The following RNLS variants were observed in gnomAD, a reference collection of about 807,000 sequenced individuals.
RNLS encodes the protein renalase, FAD dependent amine oxidase, also known as renalase.
A neutral mutation model predicts 39.8 loss-of-function variants in RNLS; 39 were observed. The ratio of observed to expected loss-of-function variants is 0.98; its 90% CI spans 0.76 to 1.28. The LOEUF (loss-of-function observed/expected upper bound fraction) is 1.28, where lower values mean the gene tolerates loss of function less well. Among genes scored for constraint, RNLS ranks in the 50% most tolerant of loss-of-function variants. The pLI is 0.00. For missense variants in RNLS, 410 were observed against 413.3 expected, an observed-to-expected ratio of 0.99 and a Z score of 0.07; for synonymous variants, 147 against 150.7, an observed-to-expected ratio of 0.98 and a Z score of 0.18.
At chr10:88,275,025 C>G in exon 7 of RNLS, 1 of 1,613,056 alleles carries the variant, frequency 6.2e-7, no homozygotes, top group South Asian at 1.1e-5. Context: ...CACACCAGCA[C>G]TTGGTACCTG....
chr10:88,178,165 C>T, the RNLS span, among the ~76,000 whole-genome samples: 1 of 152,164 alleles, frequency 6.6e-6, no homozygotes, highest in East Asian at 1.9e-4. Flanking sequence ...GCTGGGTTCT[C>T]AGCTGTACCT....
chr10:88,506,651 G>A (rs1845811680), intron 4 of RNLS, among the ~76,000 whole-genome samples: 1 of 151,832 alleles, frequency 6.6e-6, no homozygotes, highest in South Asian at 2.1e-4. Context: ...GATACATTAA[G>A]GCAAAAGATG....
the RNLS span, among the ~76,000 whole-genome samples, chr10:88,212,244 A>G: frequency 6.6e-6 from 1 of 152,154 alleles, no homozygotes; most frequent in Non-Finnish European, 1.5e-5. Flanking sequence ...TTCTCTTCTC[A>G]AGTGGGTAGC....
At chr10:88,207,413 A>T in the RNLS span, among the ~76,000 whole-genome samples, 1 of 152,194 alleles carries the variant, frequency 6.6e-6, no homozygotes, top group Non-Finnish European at 1.5e-5. Flanking sequence ...TAGCAAATAA[A>T]CACATAAAAA....
chr10:88,220,128 G>A, the RNLS span, among the ~76,000 whole-genome samples: 3 of 152,208 alleles, frequency 2.0e-5, no homozygotes, highest in Non-Finnish European at 4.4e-5. Flanking sequence ...AGCAGTTCCC[G>A]ATTCACAGTT....
chr10:88,198,523 T>G, the RNLS span, among the ~76,000 whole-genome samples: 1 of 152,226 alleles, frequency 6.6e-6, no homozygotes, highest in Admixed American at 6.5e-5. Context: ...TTTGTGTCTC[T>G]GCCCAAATCT....
downstream of RNLS, among the ~76,000 whole-genome samples, chr10:88,280,516 T>A (rs947354232): frequency 5.9e-5 from 9 of 152,188 alleles, no homozygotes; most frequent in Non-Finnish European, 1.3e-4. Flanking sequence ...TACAGACAGA[T>A]GTGTGGGGGG....
At chr10:88,211,463 C>T in the RNLS span, among the ~76,000 whole-genome samples, 1 of 152,124 alleles carries the variant, frequency 6.6e-6, no homozygotes, top group Non-Finnish European at 1.5e-5. Context: ...GTGCTATGAG[C>T]AAAAAGCACA....
chr10:88,323,369 C>A (rs890950500), intron 5 of RNLS, among the ~76,000 whole-genome samples: 9 of 152,136 alleles, frequency 5.9e-5, no homozygotes, highest in Non-Finnish European at 8.8e-5. Flanking sequence ...TACAAGGCTA[C>A]AGTATCCAAA....
chr10:88,216,789 A>AC, the RNLS span, among the ~76,000 whole-genome samples: 1 of 152,196 alleles, frequency 6.6e-6, no homozygotes, highest in Non-Finnish European at 1.5e-5. Flanking sequence ...AACAACAACA[A>AC]AAAAACCCGG....
At chr10:88,347,811 A>AC (rs1222674142) in intron 5 of RNLS, among the ~76,000 whole-genome samples, 2 of 151,934 alleles carry the variant, frequency 1.3e-5, no homozygotes, top group Non-Finnish European at 2.9e-5. Flanking sequence ...CCCCTCCCCC[A>AC]TTGCCTCAGG....
intron 2 of RNLS, 99 bp downstream of exon 2, chr10:88,582,103 C>T (rs1297613768): frequency 1.1e-6 from 1 of 899,848 alleles, no homozygotes; most frequent in African/African-American, 1.7e-5. Context: ...TTTATCGAGC[C>T]CTTACTATGT....
the RNLS span, among the ~76,000 whole-genome samples, chr10:88,252,163 G>A: frequency 1.3e-5 from 2 of 152,070 alleles, no homozygotes; most frequent in Non-Finnish European, 2.9e-5. Context: ...ACCCCAGGAC[G>A]CTTTTCCATC....
intron 4 of RNLS, among the ~76,000 whole-genome samples, chr10:88,560,926 T>C (rs1849143988): frequency 6.9e-6 from 1 of 144,410 alleles, no homozygotes; most frequent in Non-Finnish European, 1.5e-5. Flanking sequence ...TTATAGTTTG[T>C]AGATGTTCAG....
At chr10:88,265,179 T>G in the RNLS span, among the ~76,000 whole-genome samples, 3 of 152,226 alleles carry the variant, frequency 2.0e-5, no homozygotes, top group African/African-American at 7.2e-5. Flanking sequence ...CGCTTTTCTG[T>G]TCCATTGGTC....
At chr10:88,324,250 A>G (rs2133112991) in intron 5 of RNLS, among the ~76,000 whole-genome samples, 1 of 152,142 alleles carries the variant, frequency 6.6e-6, no homozygotes, top group South Asian at 2.1e-4. Flanking sequence ...CAAAGGAAAA[A>G]AAAATCATTT....
the RNLS span, among the ~76,000 whole-genome samples, chr10:88,229,819 T>A: frequency 2.0e-5 from 3 of 152,218 alleles, no homozygotes; most frequent in Non-Finnish European, 4.4e-5. Flanking sequence ...TTTGAGCTTA[T>A]CATTGTTGTA....
intron 4 of RNLS, among the ~76,000 whole-genome samples, chr10:88,399,181 C>G (rs973572446): frequency 6.6e-6 from 1 of 151,910 alleles, no homozygotes; most frequent in Non-Finnish European, 1.5e-5. Flanking sequence ...TACATTGCCA[C>G]TGGGAATATA....
intron 4 of RNLS, among the ~76,000 whole-genome samples, chr10:88,512,529 C>T (rs899469938): frequency 6.6e-6 from 1 of 152,096 alleles, no homozygotes; most frequent in African/African-American, 2.4e-5. Flanking sequence ...TTTATGCCTG[C>T]CTATCCTTCA....
Sources: gnomAD v4.1 joint callset for allele counts (sites outside exome capture counted in the v4.1 genomes callset) on GRCh38, gnomAD v4.1.1 for gene constraint, MANE v1.5 for transcripts, NCBI Gene and HGNC (gene_info 2026-07-23, HGNC 2026-07-21) for gene names.